Variants in BRINP1 observed in about 807,000 individuals in gnomAD.
BRINP1 encodes the protein BMP/retinoic acid inducible neural specific 1.
BRINP1 carries 17 observed loss-of-function variants against 72.9 expected under a neutral mutation model. That is an observed-to-expected ratio of 0.23 (90% CI 0.16 to 0.35). The LOEUF (loss-of-function observed/expected upper bound fraction) is 0.35, where lower values mean the gene tolerates loss of function less well. Among genes scored for constraint, BRINP1 ranks in the 10% least tolerant of loss-of-function variants. The probability of loss-of-function intolerance (pLI) is 1.00; values close to 1 mark genes in which losing one functional copy is unlikely to be tolerated. For missense variants in BRINP1, 850 were observed against 1,001.6 expected (o/e 0.85, Z 2.04); for synonymous variants, 418 against 378.5 (o/e 1.10, Z -1.21).
chr9:119,241,421 G>A (rs1384971824), intron 4 of BRINP1, among the ~76,000 whole-genome samples: 1 of 152,154 alleles, frequency 6.6e-6, no homozygotes, highest in East Asian at 1.9e-4. Flanking sequence ...ACAACAGCAG[G>A]GTTGAGTAAT....
intron 1 of BRINP1, among the ~76,000 whole-genome samples, chr9:119,337,176 T>A (rs1478535355): frequency 3.3e-5 from 5 of 152,174 alleles, no homozygotes; most frequent in Admixed American, 3.3e-4. Flanking sequence ...CTAACATTGA[T>A]TCCATCTTGT....
chr9:119,289,911 C>T (rs1268578563), intron 2 of BRINP1, among the ~76,000 whole-genome samples: 1 of 152,200 alleles, frequency 6.6e-6, no homozygotes, highest in Non-Finnish European at 1.5e-5. Flanking sequence ...ATTATTATCT[C>T]TTGACTGGGC....
intron 2 of BRINP1, among the ~76,000 whole-genome samples, chr9:119,269,312 T>C (rs897620441): frequency 2.7e-4 from 41 of 152,234 alleles, no homozygotes; most frequent in African/African-American, 8.7e-4. Context: ...TGCAGGAACT[T>C]GCAATTTCTA....
intron 7 of BRINP1, among the ~76,000 whole-genome samples, chr9:119,196,774 C>A (rs896153174): frequency 2.0e-5 from 3 of 152,244 alleles, no homozygotes; most frequent in African/African-American, 7.2e-5. Flanking sequence ...AACCTCAGTC[C>A]TCTGGTTCCA....
chr9:119,344,512 G>T (rs907328842), intron 1 of BRINP1, among the ~76,000 whole-genome samples: 1 of 152,140 alleles, frequency 6.6e-6, no homozygotes, highest in Admixed American at 6.6e-5. Context: ...AAACTCCTCT[G>T]GAGCAGGAAC....
chr9:119,302,120 G>A (rs1351646369), intron 2 of BRINP1, among the ~76,000 whole-genome samples: 3 of 152,326 alleles, frequency 2.0e-5, no homozygotes, highest in South Asian at 2.1e-4. Context: ...CAAGGCAAAC[G>A]AAGGATGCTT....
In BRINP1 at chr9:119,305,665, C is replaced by T. The variant is rs1017185142; in HGVS notation, c.218+7473G>A. Among the ~76,000 whole-genome samples, 4 of 152,284 alleles carry T rather than the reference C, an allele frequency of 2.6e-5. No homozygotes were observed. The East Asian group carries it at 7.7e-4, about 29-fold the overall frequency. ...TGCCTTTCCAAACATGCCTCTTCCT[C>T]CTCTCCTTCCCCAACTTTGCCACCT... is the stretch of plus-strand genomic sequence containing the variant. On this transcript the variant is annotated intron_variant, in intron 2 of 7. Coordinates refer to ENST00000265922, the MANE Select transcript of BRINP1 (RefSeq NM_014618.3).
chr9:119,184,852 A>T (rs1829598817), intron 7 of BRINP1, among the ~76,000 whole-genome samples: 1 of 152,076 alleles, frequency 6.6e-6, no homozygotes, highest in Admixed American at 6.6e-5. Flanking sequence ...TATACTGTTA[A>T]TCTTCCTCCT....
intron 2 of BRINP1, among the ~76,000 whole-genome samples, chr9:119,261,966 A>G (rs1588181907): frequency 2.0e-5 from 3 of 151,920 alleles, no homozygotes; most frequent in Middle Eastern, 3.4e-3. Flanking sequence ...GATAAATAAT[A>G]TCTCTTTTAC....
chr9:119,296,058 A>G (rs192970931), intron 2 of BRINP1, among the ~76,000 whole-genome samples: 17 of 152,234 alleles, frequency 1.1e-4, no homozygotes, highest in Non-Finnish European at 2.4e-4. Flanking sequence ...CTAACTAAGC[A>G]GTATCTGTAT....
At chr9:119,289,839 A>G (rs927916871) in intron 2 of BRINP1, among the ~76,000 whole-genome samples, 4 of 152,224 alleles carry the variant, frequency 2.6e-5, no homozygotes, top group African/African-American at 9.6e-5. Context: ...CAATCCTGTC[A>G]TCTTAAACCT....
intron 2 of BRINP1, among the ~76,000 whole-genome samples, chr9:119,255,164 C>A (rs1830433621): frequency 6.6e-6 from 1 of 152,374 alleles, no homozygotes; most frequent in South Asian, 2.1e-4. Flanking sequence ...GGCCCGGGAA[C>A]AATTTCATGT....
At chr9:119,365,930 T>G (rs1831686291) in intron 1 of BRINP1, among the ~76,000 whole-genome samples, 1 of 152,066 alleles carries the variant, frequency 6.6e-6, no homozygotes, top group Non-Finnish European at 1.5e-5. Flanking sequence ...AACCCCCATG[T>G]TTTTCAGTAT....
intron 2 of BRINP1, among the ~76,000 whole-genome samples, chr9:119,293,856 T>C (rs1332966612): frequency 1.3e-5 from 2 of 152,168 alleles, no homozygotes; most frequent in African/African-American, 4.8e-5. Context: ...AAGGCTAGGA[T>C]GCCCACTCAC....
chr9:119,357,590 T>G (rs777480011), intron 1 of BRINP1, among the ~76,000 whole-genome samples: 2 of 152,076 alleles, frequency 1.3e-5, no homozygotes, highest in Non-Finnish European at 2.9e-5. Context: ...GGCTATGAAG[T>G]TGGCAGCCAG....
intron 7 of BRINP1, among the ~76,000 whole-genome samples, chr9:119,206,419 CAAAAAAAAA>C (rs56106482): frequency 1.1e-5 from 1 of 87,180 alleles, no homozygotes; most frequent in African/African-American, 4.3e-5. Context: ...GACTCCATCT[CAAAAAAAAA>C]AAAAAAAAAA....
At position 119,333,797 on chromosome 9, in the gene BRINP1, T is replaced by C. The variant is rs77225227; in HGVS notation, c.-50-20392A>G. On this transcript the variant is annotated intron_variant, in intron 1 of 7. Transcript: ENST00000265922. The stretch of plus-strand genomic sequence containing the variant: ...AATCAGAAAGGAACAAGGTGTTTCA[T>C]TGGGAGCCTAAGGAAAGAAAAAAAA... Among the ~76,000 whole-genome samples the C allele has an allele frequency of 2.6e-5, 4 of 152,302 alleles. No homozygotes were observed. In the East Asian group the frequency reaches 5.8e-4, roughly 22 times the overall value.
chr9:119,262,358 G>T (rs1334116449), intron 2 of BRINP1, among the ~76,000 whole-genome samples: 1 of 152,136 alleles, frequency 6.6e-6, no homozygotes, highest in Non-Finnish European at 1.5e-5. Flanking sequence ...CTGAGGCCAG[G>T]CGCGGTGGCT....
At chr9:119,221,737 GGAATCCTTAGGTGAAA>G (rs1463074178) in intron 5 of BRINP1, among the ~76,000 whole-genome samples, 1 of 152,114 alleles carries the variant, frequency 6.6e-6, no homozygotes, top group African/African-American at 2.4e-5. Flanking sequence ...AAGAAGATTT[GGAATCCTTAGGTGAAA>G]GATACAGGTA....
Sources: gnomAD v4.1 joint callset for allele counts (sites outside exome capture counted in the v4.1 genomes callset) on GRCh38, gnomAD v4.1.1 for gene constraint, MANE v1.5 for transcripts, NCBI Gene and HGNC (gene_info 2026-07-23, HGNC 2026-07-21) for gene names.